Variants in DGKI observed in about 807,000 individuals in gnomAD.
DGKI encodes the protein diacylglycerol kinase iota, also known as DAG kinase iota.
DGKI carries 55 observed loss-of-function variants against 147.5 expected under a neutral mutation model. The ratio of observed to expected loss-of-function variants is 0.37; its 90% confidence interval spans 0.30 to 0.47. DGKI has a LOEUF of 0.47. DGKI is among the 20% of genes least tolerant of loss of function. DGKI has a pLI of 1.00. For missense variants in DGKI, 1,007 were observed against 1,323.8 expected (o/e 0.76, Z 3.71); for synonymous variants, 469 against 477.1 (o/e 0.98, Z 0.22).
At chr7:137,432,233 A>C (rs1183180560) in intron 28 of DGKI, among the ~76,000 whole-genome samples, 1 of 152,172 alleles carries the variant, frequency 6.6e-6, no homozygotes, top group Non-Finnish European at 1.5e-5. Context: ...ACCCAGTCTC[A>C]GGTAATTCTG....
chr7:137,783,066 C>A (rs913411605), intron 1 of DGKI, among the ~76,000 whole-genome samples: 1 of 152,258 alleles, frequency 6.6e-6, no homozygotes, highest in Middle Eastern at 3.4e-3. Flanking sequence ...TATGACAAAA[C>A]AAGATTATTA....
intron 6 of DGKI, among the ~76,000 whole-genome samples, chr7:137,644,478 T>G (rs1166277776): frequency 6.6e-6 from 1 of 152,106 alleles, no homozygotes; most frequent in African/African-American, 2.4e-5. Context: ...TTTCCAAGTC[T>G]CCCTCCCTCA....
intron 28 of DGKI, among the ~76,000 whole-genome samples, chr7:137,421,820 GT>G (rs916335497): frequency 6.6e-6 from 1 of 152,176 alleles, no homozygotes; most frequent in African/African-American, 2.4e-5. Flanking sequence ...TTAATAAATA[GT>G]TGGTTGATCC....
chr7:137,395,709 A>T lies in DGKI; in HGVS notation c.2958-12T>A. 1 of 1,612,980 alleles carries T rather than the reference A, an allele frequency of 6.2e-7. No homozygotes were observed. The highest frequency in any genetic ancestry group is 8.5e-7 in the Non-Finnish European group (1 of 1,179,058). On this transcript the variant is annotated splice_polypyrimidine_tract_variant and intron_variant, in intron 31 of 32. Transcript: ENST00000614521. ...GTGCAGTCTCACCCCTAAATCAAAGATGAAATGGGAAACCACCCATAAAGG... is the reference window on the plus strand; with the variant it reads ...GTGCAGTCTCACCCCTAAATCAAAGTTGAAATGGGAAACCACCCATAAAGG...
At chr7:137,710,473 T>C (rs1794178194) in intron 1 of DGKI, among the ~76,000 whole-genome samples, 1 of 151,932 alleles carries the variant, frequency 6.6e-6, no homozygotes, top group Admixed American at 6.5e-5. Flanking sequence ...GACCAAAAAA[T>C]ACATAGAAAC....
chr7:137,540,681 G>C lies in DGKI; in HGVS notation c.2147+11688C>G, dbSNP rs541515981. 5.6e-5 allele frequency among the ~76,000 whole-genome samples: 7 copies of C among 124,214 alleles called. No homozygotes were observed. In the South Asian group the frequency reaches 2.0e-3, roughly 35 times the overall value. The allele number at this position is 124,214 out of a possible 152,430, so 81.5% of individuals were successfully genotyped here. On this transcript the variant is annotated intron_variant, in intron 20 of 32. Coordinates refer to ENST00000614521, the MANE Select transcript of DGKI (RefSeq NM_001321708.2). ...AGCCTGGGTGACAGAGTGAGACCCT[G>C]TATCAAAAGGAAAAAAAAATCCATA...
At chr7:137,505,191 A>G (rs1023243136) in intron 21 of DGKI, among the ~76,000 whole-genome samples, 1 of 152,178 alleles carries the variant, frequency 6.6e-6, no homozygotes, top group Admixed American at 6.5e-5. Context: ...AATTTTGCAC[A>G]AATTTCTGAA....
At chr7:137,688,782 C>T (rs137885271) in intron 2 of DGKI, among the ~76,000 whole-genome samples, 15 of 152,264 alleles carry the variant, frequency 9.9e-5, no homozygotes, top group East Asian at 7.7e-4. Flanking sequence ...TATTAAATAG[C>T]TGTCCTGGAA....
chr7:137,602,017 A>G (rs993969600), intron 10 of DGKI, among the ~76,000 whole-genome samples: 3 of 152,190 alleles, frequency 2.0e-5, no homozygotes, highest in Non-Finnish European at 4.4e-5. Context: ...ATACTAGATC[A>G]TTTTCCCTCT....
In DGKI at chr7:137,609,577, C is replaced by T. The variant is rs773697170; in HGVS notation, c.1026G>A (p.Lys342=). 1.2e-6 allele frequency: 2 copies of T among 1,613,256 alleles called. No individual in the cohort carries two copies. Among genetic ancestry groups the T allele is most frequent in the South Asian group, 1.1e-5 (1 of 91,058 alleles). Reference sequence around the variant, plus strand: ...TGGCTTTTCTTTTAAAGCTTGTTCTCTTCTTCTTCCGATTTGAAGCCTTCA... The same window carrying T: ...TGGCTTTTCTTTTAAAGCTTGTTCTTTTCTTCTTCCGATTTGAAGCCTTCA... ...NSLKASNRKK[K]RTSFKRKASK... Residue 342 remains lysine (K), a synonymous_variant, in exon 9 of 33, where the codon AAG becomes AAA. Coordinates refer to ENST00000614521, the MANE Select transcript of DGKI (RefSeq NM_001321708.2).
intron 27 of DGKI, among the ~76,000 whole-genome samples, chr7:137,460,402 T>G (rs1814391182): frequency 6.6e-6 from 1 of 152,174 alleles, no homozygotes; most frequent in South Asian, 2.1e-4. Context: ...CAAAAATTAT[T>G]AAAAACCCAC....
intron 28 of DGKI, among the ~76,000 whole-genome samples, chr7:137,441,345 C>T (rs563478223): frequency 8.4e-5 from 12 of 143,290 alleles, no homozygotes; most frequent in South Asian, 2.3e-4. Flanking sequence ...GGTGTGAACC[C>T]GGGAAGCAGA....
intron 21 of DGKI, among the ~76,000 whole-genome samples, chr7:137,513,708 C>T (rs906100412): frequency 1.3e-5 from 2 of 152,156 alleles, no homozygotes; most frequent in Non-Finnish European, 2.9e-5. Context: ...CAAACCTGTA[C>T]AGCATGTTAC....
intron 1 of DGKI, among the ~76,000 whole-genome samples, chr7:137,776,281 G>T (rs937144305): frequency 6.6e-6 from 1 of 152,170 alleles, no homozygotes; most frequent in African/African-American, 2.4e-5. Context: ...CTTAACTACC[G>T]ACAGCTGCAT....
intron 10 of DGKI, among the ~76,000 whole-genome samples, chr7:137,602,053 T>A (rs1820008357): frequency 6.6e-6 from 1 of 152,198 alleles, no homozygotes; most frequent in Non-Finnish European, 1.5e-5. Flanking sequence ...TGCTATGAAG[T>A]GTGTTTGGGA....
Position 137,383,436 on chromosome 7 carries a change from T to C in DGKI, c.*7784A>G, listed in dbSNP as rs930817488. 9 of 151,768 alleles carry C rather than the reference T, an allele frequency of 5.9e-5. No individual in the cohort carries two copies. Among genetic ancestry groups the C allele is most frequent in the Non-Finnish European group, 1.3e-4 (9 of 67,850 alleles). 9.4% of individuals were successfully genotyped at this position (151,768 alleles called of 1,614,324 possible). A position where few individuals can be genotyped will look rare whatever the true frequency, so the allele number is the denominator to read the frequency against. ...GAAGCTTTTTTAAAAAATGCCTTCA[T>C]TGCTATCTAGTTGGCAGGAACCTGG... On this transcript the variant is annotated 3_prime_UTR_variant, in exon 33 of 33. Transcript: ENST00000614521.
chr7:137,834,378 T>C (rs1427546625), intron 1 of DGKI, among the ~76,000 whole-genome samples: 1 of 152,212 alleles, frequency 6.6e-6, no homozygotes, highest in Non-Finnish European at 1.5e-5. Flanking sequence ...TGATGAAACA[T>C]ATATGAGAGG....
At chr7:137,476,071 G>T (rs566414161) in intron 23 of DGKI, among the ~76,000 whole-genome samples, 1 of 152,232 alleles carries the variant, frequency 6.6e-6, no homozygotes, top group East Asian at 1.9e-4. Context: ...GCTGACGTAC[G>T]GCCAAGAAGT....
chr7:137,516,697 T>C (rs1440883192), intron 21 of DGKI, among the ~76,000 whole-genome samples: 1 of 152,124 alleles, frequency 6.6e-6, no homozygotes, highest in Non-Finnish European at 1.5e-5. Flanking sequence ...CATCTTTCAA[T>C]GACTAACATC....
Sources: gnomAD v4.1 joint callset for allele counts (sites outside exome capture counted in the v4.1 genomes callset) on GRCh38, gnomAD v4.1.1 for gene constraint, MANE v1.5 for transcripts, NCBI Gene and HGNC (gene_info 2026-07-23, HGNC 2026-07-21) for gene names.